Variants in ABAT observed in about 807,000 individuals in gnomAD.
ABAT encodes 4-aminobutyrate aminotransferase, mitochondrial.
ABAT carries 45 observed loss-of-function variants against 64.6 expected under a neutral mutation model. The ratio of observed to expected loss-of-function variants is 0.70; its 90% CI spans 0.55 to 0.89. The LOEUF is 0.89. Ranked by LOEUF, ABAT falls within the 40% of genes least tolerant of loss-of-function variation. The probability of loss-of-function intolerance (pLI) is 0.00; values close to 1 mark genes in which losing one functional copy is unlikely to be tolerated. For synonymous variants in ABAT, 297 were observed against 250.5 expected (o/e 1.19, Z -1.75); for missense variants, 633 against 658.4 (o/e 0.96, Z 0.42).
At chr16:8,753,702 T>C (rs2059557742) in intron 5 of ABAT, among the ~76,000 whole-genome samples, 1 of 152,154 alleles carries the variant, frequency 6.6e-6, no homozygotes, top group African/African-American at 2.4e-5. Context: ...AGTGTTCCTT[T>C]CTTGAGTAAG....
At chr16:8,754,179 T>TAAAAAAAAAAAAAAA (rs750745519) in intron 5 of ABAT, among the ~76,000 whole-genome samples, 7 of 63,840 alleles carry the variant, frequency 1.1e-4, no homozygotes, top group Non-Finnish European at 2.0e-4. Context: ...ACCCTGTCTA[T>TAAAAAAAAAAAAAAA]AAAAAAAAAA....
chr16:8,702,050 CT>C (rs1203566266), intron 1 of ABAT, among the ~76,000 whole-genome samples: 1 of 152,088 alleles, frequency 6.6e-6, no homozygotes, highest in Admixed American at 6.5e-5. Flanking sequence ...TTGGTTCGTT[CT>C]CAAACTGCTA....
At chr16:8,747,051 T>G (rs59738859) in intron 3 of ABAT, among the ~76,000 whole-genome samples, 404 of 152,250 alleles carry the variant, frequency 2.7e-3, no homozygotes, top group African/African-American at 9.2e-3. Context: ...GGCAAAGGTG[T>G]ACAAAAGCAA....
chr16:8,755,727 A>G lies in ABAT; in HGVS notation c.317-2030A>G, dbSNP rs548005716. Among the ~76,000 whole-genome samples the G allele has an allele frequency of 3.4e-4, 51 of 151,330 alleles. 2 individuals are homozygous for G. The East Asian group carries it at 8.6e-3, about 25-fold the overall frequency. The stretch of plus-strand genomic sequence containing the variant: ...GGAGTTCAAGACGAGCCTCGCCAAC[A>G]TGGCAAAACCTCATATCTACTAAAA... On this transcript the variant is annotated intron_variant, in intron 5 of 15. Transcript: ENST00000268251.
At position 8,735,828 on chromosome 16, in the gene ABAT, G is replaced by C; in HGVS notation, c.70+19G>C. On this transcript the variant is annotated intron_variant, in intron 2 of 15. Coordinates refer to ENST00000268251, the MANE Select transcript of ABAT (RefSeq NM_020686.6). ...GTGCCTGGTAAGCCCCGGGGGTCTT[G>C]ATAAGAACTGGTACTAATGGAAGAT... The C allele has an allele frequency of 1.9e-6, 3 of 1,583,214 alleles. No individual in the cohort carries two copies. Among genetic ancestry groups the C allele is most frequent in the Non-Finnish European group, 2.6e-6 (3 of 1,162,660 alleles).
chr16:8,682,268 TG>T (rs1215740670), intron 1 of ABAT, among the ~76,000 whole-genome samples: 3 of 151,680 alleles, frequency 2.0e-5, no homozygotes, highest in African/African-American at 7.3e-5. Context: ...GTTGGATGGC[TG>T]GGGGTGTAGA....
At chr16:8,716,467 C>T (rs116387230) in intron 1 of ABAT, among the ~76,000 whole-genome samples, 2,339 of 152,226 alleles carry the variant, frequency 0.015, 56 homozygotes, top group African/African-American at 0.053. Context: ...AGCACCCTCA[C>T]CTTGGCCAGT....
At chr16:8,779,756 T>A (rs2060377981) in intron 15 of ABAT, among the ~76,000 whole-genome samples, 166 bp downstream of exon 15, 1 of 152,170 alleles carries the variant, frequency 6.6e-6, no homozygotes, top group Non-Finnish European at 1.5e-5. Context: ...ACATTACAAA[T>A]GGGATTTCTT....
chr16:8,742,112 C>A (rs1174525243), intron 2 of ABAT, among the ~76,000 whole-genome samples: 1 of 152,208 alleles, frequency 6.6e-6, no homozygotes, highest in South Asian at 2.1e-4. Context: ...CCTCAGCATT[C>A]CTGGCTTGTG....
intron 1 of ABAT, among the ~76,000 whole-genome samples, chr16:8,696,058 C>T (rs1003084235): frequency 1.3e-5 from 2 of 152,198 alleles, no homozygotes; most frequent in African/African-American, 2.4e-5. Flanking sequence ...AGTTATTGAG[C>T]CAAAATCCGC....
intron 1 of ABAT, among the ~76,000 whole-genome samples, chr16:8,725,351 G>C (rs899987416): frequency 1.3e-5 from 2 of 151,888 alleles, no homozygotes; most frequent in Admixed American, 1.3e-4. Flanking sequence ...GGAGACCCCC[G>C]TACCCATTAA....
chr16:8,757,214 C>A (rs1567306525), intron 5 of ABAT: 1 of 451,078 alleles, frequency 2.2e-6, no homozygotes, highest in Non-Finnish European at 4.4e-6. Context: ...GTCACCCAGG[C>A]TGGAGTGCAG....
Position 8,746,106 on chromosome 16 carries a change from G to T in ABAT, c.168+8G>T. 1 of 1,604,394 alleles carries T rather than the reference G, an allele frequency of 6.2e-7. No homozygotes were observed. Among genetic ancestry groups the T allele is most frequent in the Non-Finnish European group, 8.5e-7 (1 of 1,172,148 alleles). ...CCAGGGCCTAGATCTCAGGTGAGTT[G>T]AGCACACCTGAGTGGGGTATTTTGG... is the stretch of plus-strand genomic sequence containing the variant. On this transcript the variant is annotated splice_region_variant and intron_variant, in intron 3 of 15. Coordinates refer to ENST00000268251, the MANE Select transcript of ABAT (RefSeq NM_020686.6).
intron 1 of ABAT, among the ~76,000 whole-genome samples, chr16:8,697,333 T>A (rs1257882894): frequency 1.3e-5 from 2 of 152,050 alleles, no homozygotes; most frequent in East Asian, 3.9e-4. Flanking sequence ...AACTAGGGAG[T>A]GACATGATGT....
At chr16:8,756,982 C>T (rs186594986) in intron 5 of ABAT, among the ~76,000 whole-genome samples, 59 of 152,208 alleles carry the variant, frequency 3.9e-4, no homozygotes, top group African/African-American at 1.3e-3. Flanking sequence ...ATGAGGCATG[C>T]GGGTCACAGA....
intron 6 of ABAT, among the ~76,000 whole-genome samples, chr16:8,759,648 G>T (rs550652873): frequency 6.6e-6 from 1 of 152,296 alleles, no homozygotes; most frequent in South Asian, 2.1e-4. Flanking sequence ...GAGTAGCAGG[G>T]ACTACAGGTG....
At chr16:8,700,767 A>G (rs1338504419) in intron 1 of ABAT, among the ~76,000 whole-genome samples, 1 of 151,606 alleles carries the variant, frequency 6.6e-6, no homozygotes, top group African/African-American at 2.4e-5. Context: ...GGCGCATTTT[A>G]AAACATTTTT....
At chr16:8,697,195 C>A (rs985957543) in intron 1 of ABAT, among the ~76,000 whole-genome samples, 1 of 152,090 alleles carries the variant, frequency 6.6e-6, no homozygotes, top group Non-Finnish European at 1.5e-5. Context: ...TTTCGGGCCC[C>A]GGGGGAAACT....
At chr16:8,768,296 A>C (rs2060004616) in intron 10 of ABAT, 40 bp downstream of exon 10, 1 of 1,597,188 alleles carries the variant, frequency 6.3e-7, no homozygotes, top group South Asian at 1.1e-5. Context: ...GGCGTTTAGA[A>C]TAGTAATAAT....
Sources: allele counts gnomAD v4.1 joint callset (sites outside exome capture counted in the v4.1 genomes callset), GRCh38; gene constraint gnomAD v4.1.1; transcripts MANE v1.5; gene names NCBI Gene and HGNC (gene_info 2026-07-23, HGNC 2026-07-21).